The following PRPF39 variants were observed in gnomAD, a reference collection of about 807,000 sequenced individuals.
PRPF39 encodes pre-mRNA processing factor 39.
PRPF39 carries 27 observed loss-of-function variants against 82.1 expected under a neutral mutation model. The observed-to-expected ratio is 0.33, with a 90% CI of 0.24 to 0.45. The LOEUF is 0.45. Among genes scored for constraint, PRPF39 ranks in the 20% least tolerant of loss-of-function variants. The pLI is 1.00. For synonymous variants in PRPF39, 261 were observed against 256.4 expected (o/e 1.02, Z -0.17); for missense variants, 581 against 796.9 (o/e 0.73, Z 3.26).
At chr14:45,088,938 A>G (rs1883930574) in intron 1 of PRPF39, among the ~76,000 whole-genome samples, 1 of 152,246 alleles carries the variant, frequency 6.6e-6, no homozygotes, top group Admixed American at 6.5e-5. Context: ...GGTTCAAGAA[A>G]CTGGTGTGAA....
intron 1 of PRPF39, among the ~76,000 whole-genome samples, chr14:45,087,507 G>A (rs1309568763): frequency 6.6e-6 from 1 of 152,010 alleles, no homozygotes; most frequent in Non-Finnish European, 1.5e-5. Context: ...TGTGAATGAG[G>A]CTTAGAGAGG....
chr14:45,112,325 C>T lies in PRPF39; in HGVS notation c.1580C>T (p.Thr527Ile). The change falls in exon 11 of 14, where the codon ACA becomes ATA. Residue 527 changes from threonine to isoleucine, a missense_variant. Transcript: ENST00000355765. Reference protein sequence around the residue: ...LEAIERDKENTKLYLNLLEME... With the variant: ...LEAIERDKENIKLYLNLLEME... ...ATGCTGCTTTTTACACAGGAGAACA[C>T]AAAGTTATACCTCAATTTACTTGAA... 5 of 1,555,556 alleles carry T rather than the reference C, an allele frequency of 3.2e-6. No homozygotes were observed. Among genetic ancestry groups the T allele is most frequent in the Non-Finnish European group, 4.3e-6 (5 of 1,161,820 alleles).
chr14:45,101,623 G>T lies in PRPF39; in HGVS notation c.570-906G>T, dbSNP rs149362532. Among the ~76,000 whole-genome samples, 788 of 151,876 alleles carry T rather than the reference G, an allele frequency of 5.2e-3. 11 individuals are homozygous for T. The highest frequency in any genetic ancestry group is 0.018 in the African/African-American group (741 of 41,400). ...TCGGATTACAGATGTGCACCACAAC[G>T]CCTGGCTAATTTTTGTATTTTTAGT... On this transcript the variant is annotated intron_variant, in intron 4 of 13. Coordinates refer to ENST00000355765, the MANE Select transcript of PRPF39 (RefSeq NM_017922.4).
In PRPF39 at chr14:45,110,768, A is replaced by C. The variant is rs1566699036; in HGVS notation, c.1523A>C (p.Asn508Thr). ...LARHLFKIQKNLPKSRKVLLE... is the reference protein window; with the variant it reads ...LARHLFKIQKTLPKSRKVLLE... ...CGGCATCTTTTCAAAATACAGAAAA[A>C]CCTTCCAAAATCAAGAAAGGTGCTT... Residue 508 changes from asparagine (N) to threonine (T), a missense_variant, in exon 10 of 14, where the codon AAC becomes ACC. Coordinates refer to ENST00000355765, the MANE Select transcript of PRPF39 (RefSeq NM_017922.4). This position sits in a 1 kb window ranked among gnomAD's most constrained non-coding sequence, Gnocchi z 4.0. 1 of 1,554,346 alleles carries C rather than the reference A, an allele frequency of 6.4e-7. No homozygotes were observed.
chr14:45,102,380 T>G, intron 4 of PRPF39, 149 bp from the exon 5 acceptor site: 2 of 570,076 alleles, frequency 3.5e-6, no homozygotes, highest in Non-Finnish European at 5.8e-6. Flanking sequence ...GTATGCTTTC[T>G]GTTATTCTGT....
Position 45,115,935 on chromosome 14 carries a change from T to G in PRPF39, c.*1022T>G, listed in dbSNP as rs1276331118. The G allele has an allele frequency of 1.8e-5, 7 of 393,270 alleles. No individual in the cohort carries two copies. The highest frequency in any genetic ancestry group is 7.1e-5 in the Admixed American group (2 of 28,136). 24.4% of individuals were successfully genotyped at this position (393,270 alleles called of 1,614,324 possible). A position where few individuals can be genotyped will look rare whatever the true frequency, so the allele number is the denominator to read the frequency against. On this transcript the variant is annotated 3_prime_UTR_variant, in exon 14 of 14. Transcript: ENST00000355765. ...GTGGATCAATTTTTATTGAGCCACT[T>G]AAGTTTACAACATGAGGTAAAAGGA...
intron 7 of PRPF39, among the ~76,000 whole-genome samples, chr14:45,108,934 C>T (rs576086323): frequency 6.6e-6 from 1 of 152,160 alleles, no homozygotes; most frequent in East Asian, 1.9e-4. Context: ...ATATAATTCA[C>T]CCATTTAAAG....
At chr14:45,096,610 G>A in intron 3 of PRPF39, 1 of 1,466,228 alleles carries the variant, frequency 6.8e-7, no homozygotes. Flanking sequence ...TGTCATTGAT[G>A]CTCTAATGGG....
intron 11 of PRPF39, 75 bp downstream of exon 11, chr14:45,112,577 G>A (rs1052685919): frequency 7.6e-7 from 1 of 1,308,714 alleles, no homozygotes; most frequent in Non-Finnish European, 9.9e-7. Flanking sequence ...TTGATGATTA[G>A]TATAGATTAA....
At chr14:45,091,990 T>C (rs938585841) in intron 1 of PRPF39, among the ~76,000 whole-genome samples, 10 of 152,252 alleles carry the variant, frequency 6.6e-5, no homozygotes, top group Non-Finnish European at 4.4e-5. Flanking sequence ...CTTAATTTTC[T>C]TGGCCAATCC....
Position 45,095,367 on chromosome 14 carries a change from A to G in PRPF39, c.128A>G (p.Gln43Arg), listed in dbSNP as rs1884164674. The change falls in exon 2 of 14, where the codon CAG (glutamine) becomes CGG (arginine). Residue 43 changes from glutamine (Q) to arginine (R), a missense_variant. By Grantham distance (43) the Gln-to-Arg change is conservative. Coordinates refer to ENST00000355765, the MANE Select transcript of PRPF39 (RefSeq NM_017922.4). The stretch of plus-strand genomic sequence containing the variant: ...ATTATGAACGTTACAGAAATGGAAC[A>G]GTCACCTGATGACTCTCCCAATGTG... ...TEIMNVTEMEQSPDDSPNVNA... is the reference protein window; with the variant it reads ...TEIMNVTEMERSPDDSPNVNA... The G allele has an allele frequency of 6.2e-7, 1 of 1,613,994 alleles. No individual in the cohort carries two copies. The highest frequency in any genetic ancestry group is 1.3e-5 in the African/African-American group (1 of 75,076).
chr14:45,088,872 A>T (rs1883927803), intron 1 of PRPF39, among the ~76,000 whole-genome samples: 1 of 152,232 alleles, frequency 6.6e-6, no homozygotes, highest in Non-Finnish European at 1.5e-5. Context: ...ATATACTTTT[A>T]CTATGCAAAG....
intron 4 of PRPF39, among the ~76,000 whole-genome samples, chr14:45,098,769 T>C (rs916252493): frequency 6.6e-6 from 1 of 152,190 alleles, no homozygotes; most frequent in African/African-American, 2.4e-5. Context: ...AAGAGTTGTC[T>C]TGGGATTTTC....
chr14:45,092,937 T>C (rs1194390707), intron 1 of PRPF39, among the ~76,000 whole-genome samples: 1 of 152,158 alleles, frequency 6.6e-6, no homozygotes, highest in Non-Finnish European at 1.5e-5. Context: ...AGTCAACTTA[T>C]AGCTGGCTTT....
intron 5 of PRPF39, among the ~76,000 whole-genome samples, chr14:45,103,773 C>G (rs1436511843): frequency 2.0e-5 from 3 of 152,196 alleles, no homozygotes; most frequent in Admixed American, 2.0e-4. Context: ...TAAATAGTTA[C>G]CAAACACATA....
At chr14:45,108,312 A>G in intron 6 of PRPF39, 103 bp from the exon 7 acceptor site, 1 of 1,297,098 alleles carries the variant, frequency 7.7e-7, no homozygotes, top group East Asian at 2.9e-5. Context: ...CCACTATTCT[A>G]AGACTAAAAT....
At chr14:45,105,343 A>G (rs1310252816) in intron 5 of PRPF39, among the ~76,000 whole-genome samples, 1 of 152,112 alleles carries the variant, frequency 6.6e-6, no homozygotes, top group Non-Finnish European at 1.5e-5. Context: ...GAGTTTTAAT[A>G]TTCATCTGTA....
intron 4 of PRPF39, among the ~76,000 whole-genome samples, chr14:45,100,625 G>A (rs897722392): frequency 6.6e-5 from 10 of 151,582 alleles, no homozygotes; most frequent in African/African-American, 2.4e-4. Flanking sequence ...GAATCATTTG[G>A]GGTTCTGTAG....
At chr14:45,100,360 T>C (rs1179300859) in intron 4 of PRPF39, among the ~76,000 whole-genome samples, 1 of 152,238 alleles carries the variant, frequency 6.6e-6, no homozygotes, top group Non-Finnish European at 1.5e-5. Flanking sequence ...GGCCACTCTT[T>C]TTGCTGGTGG....
Sources: gnomAD v4.1 joint callset for allele counts (sites outside exome capture counted in the v4.1 genomes callset) on GRCh38, gnomAD v4.1.1 for gene constraint, Gnocchi (gnomAD v3.1) non-coding constraint, MANE v1.5 for transcripts, NCBI Gene and HGNC (gene_info 2026-07-23, HGNC 2026-07-21) for gene names.